The following NAALADL2 variants were observed in gnomAD, a reference collection of about 807,000 sequenced individuals.
NAALADL2 encodes inactive N-acetylated-alpha-linked acidic dipeptidase-like protein 2.
Under a neutral mutation model 87.2 loss-of-function variants are expected in NAALADL2, and 76 were observed. The observed-to-expected ratio is 0.87, with a 90% CI of 0.72 to 1.05. NAALADL2 has a LOEUF of 1.05. Among genes scored for constraint, NAALADL2 ranks in the 50% least tolerant of loss-of-function variants. The probability of loss-of-function intolerance (pLI) is 0.00; values close to 1 mark genes in which losing one functional copy is unlikely to be tolerated. For missense variants in NAALADL2, 1,089 were observed against 945.8 expected (o/e 1.15, Z -1.99); for synonymous variants, 354 against 331.0 (o/e 1.07, Z -0.75).
intron 1 of NAALADL2, chr3:175,059,591 G>A (rs1183585648): frequency 3.1e-6 from 1 of 323,362 alleles, no homozygotes; most frequent in Non-Finnish European, 5.9e-6. Flanking sequence ...ATCATCCCAC[G>A]GTTTCACATC....
At chr3:175,730,429 T>TATAGATATATATATATATATATATAG (rs1561048902) in intron 11 of NAALADL2, among the ~76,000 whole-genome samples, 1 of 87,862 alleles carries the variant, frequency 1.1e-5, no homozygotes, top group Non-Finnish European at 2.5e-5. Flanking sequence ...TATATATATA[T>TATAGATATATATATATATATATATAG]ATATATATAT....
intron 4 of NAALADL2, among the ~76,000 whole-genome samples, chr3:175,285,752 G>A (rs1754901107): frequency 6.6e-6 from 1 of 151,876 alleles, no homozygotes; most frequent in African/African-American, 2.4e-5. Flanking sequence ...GTCATTCATT[G>A]TTTATGTATT....
intron 5 of NAALADL2, among the ~76,000 whole-genome samples, chr3:175,444,183 A>C (rs182200224): frequency 1.7e-3 from 265 of 152,330 alleles, no homozygotes; most frequent in African/African-American, 6.1e-3. Context: ...AGATACAATC[A>C]TACAGCATCT....
intron 10 of NAALADL2, chr3:175,609,513 G>A (rs1248194338): frequency 6.6e-6 from 1 of 151,978 alleles, no homozygotes; most frequent in Admixed American, 6.6e-5. Context: ...AGCCAATGAG[G>A]TTTATCCGAA....
At chr3:174,749,792 G>T (rs780743123) in intron 3 of NAALADL2, among the ~76,000 whole-genome samples, 2 of 152,122 alleles carry the variant, frequency 1.3e-5, no homozygotes, top group Non-Finnish European at 2.9e-5. Flanking sequence ...ACATACCTAA[G>T]ATGTAATTTT....
intron 2 of NAALADL2, among the ~76,000 whole-genome samples, chr3:175,119,127 A>C (rs1413925740): frequency 6.6e-6 from 1 of 151,630 alleles, no homozygotes; most frequent in Admixed American, 6.6e-5. Context: ...AGGCACAAGA[A>C]ATTTTAAAAT....
chr3:175,069,094 G>C (rs1407531116), intron 1 of NAALADL2, among the ~76,000 whole-genome samples: 1 of 151,728 alleles, frequency 6.6e-6, no homozygotes, highest in Non-Finnish European at 1.5e-5. Flanking sequence ...TCAGGACATA[G>C]GCATGGGCAA....
At chr3:174,796,959 A>G (rs1313661631) in intron 3 of NAALADL2, among the ~76,000 whole-genome samples, 4 of 151,884 alleles carry the variant, frequency 2.6e-5, no homozygotes, top group African/African-American at 9.7e-5. Flanking sequence ...TTGTTAGTTT[A>G]ATTAAGTCAC....
chr3:175,500,812 A>G (rs1367326587), intron 9 of NAALADL2, among the ~76,000 whole-genome samples: 3 of 152,138 alleles, frequency 2.0e-5, no homozygotes, highest in African/African-American at 7.2e-5. Context: ...GAACTTAAGA[A>G]TCTGGTTCCA....
chr3:174,969,642 C>A (rs1340240168), intron 1 of NAALADL2, among the ~76,000 whole-genome samples: 3 of 152,044 alleles, frequency 2.0e-5, no homozygotes, highest in Non-Finnish European at 4.4e-5. Context: ...TAGGACAACA[C>A]CTTCAGGATA....
chr3:174,821,976 G>A (rs1005458427), intron 3 of NAALADL2, among the ~76,000 whole-genome samples: 1 of 152,056 alleles, frequency 6.6e-6, no homozygotes, highest in African/African-American at 2.4e-5. Context: ...AAACGAAGTC[G>A]TTAAAATTCA....
At chr3:174,662,632 C>T (rs1252223891) in intron 2 of NAALADL2, among the ~76,000 whole-genome samples, 1 of 152,150 alleles carries the variant, frequency 6.6e-6, no homozygotes, top group Non-Finnish European at 1.5e-5. Flanking sequence ...GAAATAAAAA[C>T]TTTGACGTGA....
At chr3:175,281,107 AAACTT>A (rs1034032659) in intron 4 of NAALADL2, among the ~76,000 whole-genome samples, 29 of 134,866 alleles carry the variant, frequency 2.2e-4, no homozygotes, top group African/African-American at 8.2e-4. Context: ...AAAATAATTA[AAACTT>A]AAAAAAAATA....
rs11430705 is a variant in NAALADL2 at position 175,267,034 on chromosome 3, TA to T, written c.939+10516del. Among the ~76,000 whole-genome samples, 731 of 146,834 alleles carry T rather than the reference TA, an allele frequency of 5.0e-3. 1 individual carries two copies. The highest frequency in any genetic ancestry group is 0.011 in the African/African-American group (463 of 40,390). On this transcript the variant is annotated intron_variant, in intron 4 of 13. Transcript: ENST00000454872. ...TTTCTTAGCTTTAGAGTAAAACTAGTAAAAAAAAAAAAGTGTGCTAATTGAT... is the reference window on the plus strand; with the variant it reads ...TTTCTTAGCTTTAGAGTAAAACTAGTAAAAAAAAAAAGTGTGCTAATTGAT...
intron 2 of NAALADL2, among the ~76,000 whole-genome samples, chr3:175,163,293 C>T (rs1470680209): frequency 6.6e-6 from 1 of 152,010 alleles, no homozygotes; most frequent in African/African-American, 2.4e-5. Flanking sequence ...TGCTTTTTTA[C>T]ATCCAGATTG....
rs531436163 is a variant in NAALADL2, at chr3:174,880,293, A to G, written c.43+20843A>G. The stretch of plus-strand genomic sequence containing the variant: ...AACCTATTCTGGCATTGCACATCTC[A>G]GTTGGAAGTAACTCATTTCCAGTTG... On this transcript the variant is annotated intron_variant, in intron 1 of 13. Coordinates refer to ENST00000454872, the MANE Select transcript of NAALADL2 (RefSeq NM_207015.3). Among the ~76,000 whole-genome samples the G allele has an allele frequency of 4.6e-5, 7 of 152,202 alleles. 1 individual carries two copies. In the South Asian group the frequency reaches 6.2e-4, roughly 13 times the overall value.
At chr3:174,736,521 C>T (rs1042119045) in intron 2 of NAALADL2, among the ~76,000 whole-genome samples, 2 of 152,098 alleles carry the variant, frequency 1.3e-5, no homozygotes, top group African/African-American at 4.8e-5. Flanking sequence ...GTTGTCCCAT[C>T]ATCTCTTCAG....
intron 1 of NAALADL2, among the ~76,000 whole-genome samples, chr3:174,445,302 T>C (rs369896469): frequency 6.6e-6 from 1 of 152,136 alleles, no homozygotes; most frequent in African/African-American, 2.4e-5. Context: ...GGTAGAATAG[T>C]ATAATGAACC....
chr3:174,855,260 A>G (rs985813980), upstream of NAALADL2, among the ~76,000 whole-genome samples: 1 of 152,178 alleles, frequency 6.6e-6, no homozygotes, highest in Non-Finnish European at 1.5e-5. Context: ...GACAGCTATG[A>G]CATTATGACA....
Sources: allele counts gnomAD v4.1 joint callset (sites outside exome capture counted in the v4.1 genomes callset), GRCh38; gene constraint gnomAD v4.1.1; transcripts MANE v1.5; gene names NCBI Gene and HGNC (gene_info 2026-07-23, HGNC 2026-07-21).